Variants in ASIC2 observed in about 807,000 individuals in gnomAD.
The protein encoded by ASIC2 is acid-sensing ion channel 2.
Under a neutral mutation model 57.3 loss-of-function variants are expected in ASIC2, and 25 were observed. The observed-to-expected ratio is 0.44, with a 90% CI of 0.32 to 0.61. ASIC2 has a LOEUF of 0.61. ASIC2 is among the 20% of genes least tolerant of loss of function. The pLI is 0.06. For missense variants in ASIC2, 641 were observed against 738.1 expected (o/e 0.87, Z 1.52); for synonymous variants, 319 against 307.5 (o/e 1.04, Z -0.39).
intron 1 of ASIC2, among the ~76,000 whole-genome samples, chr17:33,711,177 G>T (rs1348892688): frequency 6.6e-6 from 1 of 152,154 alleles, no homozygotes; most frequent in East Asian, 1.9e-4. Context: ...GTGCAGCGGG[G>T]CACCTGTGCC....
chr17:33,580,991 T>C (rs1487521717), intron 1 of ASIC2, among the ~76,000 whole-genome samples: 1 of 152,228 alleles, frequency 6.6e-6, no homozygotes, highest in East Asian at 1.9e-4. Context: ...CTCTAATCTC[T>C]AGGATCTTTG....
intron 1 of ASIC2, among the ~76,000 whole-genome samples, chr17:33,403,658 C>T (rs915785583): frequency 6.6e-6 from 1 of 152,202 alleles, no homozygotes; most frequent in African/African-American, 2.4e-5. Flanking sequence ...GTACTTAGTA[C>T]AAGAAACAAA....
chr17:33,534,238 G>A (rs573957271), intron 1 of ASIC2: 1 of 152,162 alleles, frequency 6.6e-6, no homozygotes, highest in East Asian at 1.9e-4. Flanking sequence ...ACGCGAACCA[G>A]AAGTGACAAA....
At chr17:33,206,963 A>T (rs1245453209) in intron 1 of ASIC2, among the ~76,000 whole-genome samples, 1 of 152,158 alleles carries the variant, frequency 6.6e-6, no homozygotes, top group Non-Finnish European at 1.5e-5. Flanking sequence ...GTCCCTTTCT[A>T]GCAGCATCAC....
chr17:33,309,235 A>C (rs1405510032), intron 1 of ASIC2, among the ~76,000 whole-genome samples: 1 of 151,876 alleles, frequency 6.6e-6, no homozygotes, highest in Non-Finnish European at 1.5e-5. Flanking sequence ...ATTCTTGGTC[A>C]GATGTCGTAG....
intron 1 of ASIC2, among the ~76,000 whole-genome samples, chr17:33,909,118 G>A (rs1296036370): frequency 1.3e-5 from 2 of 152,156 alleles, no homozygotes; most frequent in African/African-American, 4.8e-5. Context: ...TATCTTCCAT[G>A]ATAATTGGGA....
At chr17:33,725,871 C>T (rs949999559) in intron 1 of ASIC2, among the ~76,000 whole-genome samples, 2 of 152,174 alleles carry the variant, frequency 1.3e-5, no homozygotes, top group Non-Finnish European at 2.9e-5. Context: ...ACTGACCCCA[C>T]AGAGCCACAC....
chr17:33,280,055 A>G (rs1904876065), intron 1 of ASIC2, among the ~76,000 whole-genome samples: 1 of 152,090 alleles, frequency 6.6e-6, no homozygotes, highest in Non-Finnish European at 1.5e-5. Context: ...ACTTTTGGTG[A>G]GCTGACCCCT....
chr17:33,224,745 T>C (rs1339734767), intron 1 of ASIC2, among the ~76,000 whole-genome samples: 1 of 152,176 alleles, frequency 6.6e-6, no homozygotes, highest in Non-Finnish European at 1.5e-5. Flanking sequence ...TGCTTGACAG[T>C]GTTGGCAGCT....
chr17:33,597,883 C>G (rs1905026971), intron 1 of ASIC2, among the ~76,000 whole-genome samples: 1 of 152,184 alleles, frequency 6.6e-6, no homozygotes, highest in African/African-American at 2.4e-5. Flanking sequence ...TTTTTCTTAC[C>G]TTAATTTCTC....
chr17:33,919,895 C>G (rs894226648), intron 1 of ASIC2, among the ~76,000 whole-genome samples: 1 of 152,138 alleles, frequency 6.6e-6, no homozygotes, highest in Non-Finnish European at 1.5e-5. Flanking sequence ...AGAAGACAAA[C>G]AAGTGGCCAA....
At chr17:34,126,206 GC>G (rs1314653255) in intron 1 of ASIC2, among the ~76,000 whole-genome samples, 2 of 152,186 alleles carry the variant, frequency 1.3e-5, no homozygotes, top group East Asian at 3.8e-4. Context: ...GAGGAGGACT[GC>G]CTATCAAAGC....
In ASIC2 at chr17:34,048,999, T is replaced by C. The variant is rs568452044; in HGVS notation, c.555+106979A>G. 7.0e-4 allele frequency among the ~76,000 whole-genome samples: 107 copies of C among 152,258 alleles called. 2 individuals are homozygous for C. The highest frequency in any genetic ancestry group is 2.5e-3 in the African/African-American group (102 of 41,564). ...GATGTTCTGAGGTAAGAATGACATT[T>C]AGGAATATGTTGTGGTGCCCAGGAG... On this transcript the variant is annotated intron_variant, in intron 1 of 9. Coordinates refer to the ASIC2 transcript ENST00000359872.
chr17:33,330,483 C>T lies in ASIC2; in HGVS notation c.556-218416G>A, dbSNP rs577718823. ...ACACAGACATTCACCACGATGAGTC[C>T]TCATGACACCTTCGGGCTCAGTCAT... On this transcript the variant is annotated intron_variant, in intron 1 of 9. Transcript: ENST00000359872. Among the ~76,000 whole-genome samples the T allele has an allele frequency of 2.6e-5, 4 of 152,288 alleles. No homozygotes were observed. The East Asian group carries it at 7.7e-4, about 29-fold the overall frequency.
At chr17:33,405,487 C>CTTTTTTTTTTTTTTTTT (rs35049672) in intron 1 of ASIC2, among the ~76,000 whole-genome samples, 1 of 135,306 alleles carries the variant, frequency 7.4e-6, no homozygotes, top group Non-Finnish European at 1.6e-5. Flanking sequence ...TTTTTTCTTT[C>CTTTTTTTTTTTTTTTTT]TTTTTTTTTT....
chr17:33,247,945 T>C (rs1448894687), intron 1 of ASIC2, among the ~76,000 whole-genome samples: 7 of 152,110 alleles, frequency 4.6e-5, no homozygotes, highest in Admixed American at 4.6e-4. Flanking sequence ...CAGAAAACAA[T>C]GAACATAATA....
intron 1 of ASIC2, among the ~76,000 whole-genome samples, chr17:33,994,924 T>C (rs1281854930): frequency 6.6e-6 from 1 of 152,192 alleles, no homozygotes; most frequent in Admixed American, 6.5e-5. Flanking sequence ...TTTCAAATAT[T>C]GCTCTCTCAA....
chr17:33,127,917 G>C (rs551404728), intron 1 of ASIC2, among the ~76,000 whole-genome samples: 57 of 152,272 alleles, frequency 3.7e-4, no homozygotes, highest in African/African-American at 1.3e-3. Flanking sequence ...CACAAGACCT[G>C]GGCCCCACCC....
intron 1 of ASIC2, among the ~76,000 whole-genome samples, chr17:33,912,088 T>C (rs891000908): frequency 6.8e-5 from 9 of 132,400 alleles, no homozygotes; most frequent in Non-Finnish European, 1.4e-4. Context: ...TGCAGTGAGC[T>C]GAAATCACGC....
Sources: gnomAD v4.1 joint callset for allele counts (sites outside exome capture counted in the v4.1 genomes callset) on GRCh38, gnomAD v4.1.1 for gene constraint, MANE v1.5 for transcripts, NCBI Gene and HGNC (gene_info 2026-07-23, HGNC 2026-07-21) for gene names.